CNTLN: variants seen among roughly 807,000 people sequenced by gnomAD.
CNTLN encodes the protein centlein, centrosomal protein.
A neutral mutation model predicts 180.0 loss-of-function variants in CNTLN; 212 were observed. The ratio of observed to expected loss-of-function variants is 1.18; its 90% CI spans 1.05 to 1.32. The LOEUF is 1.32. CNTLN is among the 40% of genes most tolerant of loss of function. The pLI, the probability that CNTLN is intolerant of heterozygous loss-of-function variation, is 0.00. For missense variants in CNTLN, 2,095 were observed against 1,610.9 expected, an observed-to-expected ratio of 1.30 and a Z score of -5.14; for synonymous variants, 722 against 563.1, an observed-to-expected ratio of 1.28 and a Z score of -3.99.
At chr9:17,307,999 C>T (rs1373118160) in intron 7 of CNTLN, among the ~76,000 whole-genome samples, 3 of 151,508 alleles carry the variant, frequency 2.0e-5, no homozygotes, top group East Asian at 3.9e-4. Context: ...CACACACACA[C>T]ACACACACAC....
intron 6 of CNTLN, among the ~76,000 whole-genome samples, chr9:17,297,677 C>A (rs758490541): frequency 6.6e-6 from 1 of 152,198 alleles, no homozygotes; most frequent in Non-Finnish European, 1.5e-5. Flanking sequence ...AGAGGAGTCA[C>A]AAGTATCCCA....
At chr9:17,518,746 A>T in the CNTLN span, among the ~76,000 whole-genome samples, 230 of 152,240 alleles carry the variant, frequency 1.5e-3, no homozygotes, top group African/African-American at 5.2e-3. Flanking sequence ...AGAAGCTTTG[A>T]GACATTGTGT....
chr9:17,294,668 G>C (rs895858753), intron 6 of CNTLN, among the ~76,000 whole-genome samples: 1 of 148,384 alleles, frequency 6.7e-6, no homozygotes, highest in Admixed American at 6.8e-5. Flanking sequence ...TGCCAGTCCC[G>C]TGCCCTCCAC....
the CNTLN span, among the ~76,000 whole-genome samples, chr9:17,519,704 C>A: frequency 6.6e-6 from 1 of 152,110 alleles, no homozygotes; most frequent in African/African-American, 2.4e-5. Flanking sequence ...ATTTGAGTGA[C>A]CTTTTCTTCC....
At chr9:17,400,417 G>A (rs1211498806) in intron 15 of CNTLN, among the ~76,000 whole-genome samples, 2 of 152,110 alleles carry the variant, frequency 1.3e-5, no homozygotes, top group Non-Finnish European at 2.9e-5. Context: ...GATTACAGGC[G>A]TGAGCCACTG....
At chr9:17,279,368 G>C (rs532371939) in intron 6 of CNTLN, among the ~76,000 whole-genome samples, 4 of 152,158 alleles carry the variant, frequency 2.6e-5, no homozygotes, top group African/African-American at 9.6e-5. Flanking sequence ...TTTTACCAGG[G>C]CCTTCCCTAT....
Position 17,340,878 on chromosome 9 carries a change from C to A in CNTLN, c.1696C>A (p.Leu566Ile). Residue 566 changes from leucine (L) to isoleucine (I), a missense_variant, in exon 11 of 26, where the codon CTA (leucine) becomes ATA (isoleucine). Transcript: ENST00000380647. ...TGCCCATGAAAAACGCAAGGAACGG[C>A]TACAGATGTTACAGACCAACTACAG... ...RDAHEKRKER[L>I]QMLQTNYRAV... The A allele has an allele frequency of 6.2e-7, 1 of 1,612,282 alleles. No individual in the cohort carries two copies. The highest frequency in any genetic ancestry group is 8.5e-7 in the Non-Finnish European group (1 of 1,179,038).
At position 17,135,076 on chromosome 9, in the gene CNTLN, G is replaced by A; in HGVS notation, c.11G>A (p.Arg4His). The A allele has an allele frequency of 6.3e-7, 1 of 1,598,296 alleles. No individual in the cohort carries two copies. Among genetic ancestry groups the A allele is most frequent in the South Asian group, 1.1e-5 (1 of 89,602 alleles). Reference protein sequence around the residue: MAARSPPSPHPSPP... With the variant: MAAHSPPSPHPSPP... ...TTAGCAGCCGCAGCCATGGCGGCGCGTTCGCCTCCCTCACCGCACCCTTCG... is the reference window on the plus strand; with the variant it reads ...TTAGCAGCCGCAGCCATGGCGGCGCATTCGCCTCCCTCACCGCACCCTTCG... Residue 4 changes from arginine to histidine, a missense_variant, in exon 1 of 26, where the codon CGT becomes CAT. Physicochemically the swap from Arg to His is conservative, Grantham distance 29. Coordinates refer to ENST00000380647, the MANE Select transcript of CNTLN (RefSeq NM_017738.4).
At chr9:17,399,776 A>G (rs1826825721) in intron 15 of CNTLN, among the ~76,000 whole-genome samples, 1 of 152,190 alleles carries the variant, frequency 6.6e-6, no homozygotes, top group African/African-American at 2.4e-5. Flanking sequence ...TAAGATCCTC[A>G]CATAAGAGGT....
At chr9:17,419,824 G>A (rs1828565076) in intron 18 of CNTLN, among the ~76,000 whole-genome samples, 1 of 152,078 alleles carries the variant, frequency 6.6e-6, no homozygotes, top group Admixed American at 6.5e-5. Context: ...ACACTTTCAG[G>A]TGTTCATACT....
rs543537249 is a variant in CNTLN, at chr9:17,283,749, A to C, written c.983+9883A>C. ...GCTGTGGGTTTGTCATAAATGGCTC[A>C]TTATTTTGAGGTATGTTCCATCAAT... is the stretch of plus-strand genomic sequence containing the variant. On this transcript the variant is annotated intron_variant, in intron 6 of 25. Transcript: ENST00000380647. 3.9e-5 allele frequency among the ~76,000 whole-genome samples: 6 copies of C among 152,156 alleles called. No individual in the cohort carries two copies. The South Asian group carries it at 1.2e-3, about 32-fold the overall frequency.
chr9:17,472,974 T>C (rs1294139063), intron 23 of CNTLN, among the ~76,000 whole-genome samples: 2 of 152,136 alleles, frequency 1.3e-5, no homozygotes, highest in African/African-American at 4.8e-5. Flanking sequence ...GGATTCTGTG[T>C]TGTATCATCG....
At chr9:17,441,070 C>T (rs1200339234) in intron 18 of CNTLN, among the ~76,000 whole-genome samples, 1 of 144,344 alleles carries the variant, frequency 6.9e-6, no homozygotes, top group African/African-American at 2.6e-5. Flanking sequence ...TGTACACCAC[C>T]TTTAAAAGAT....
At chr9:17,291,464 A>G (rs571316047) in intron 6 of CNTLN, among the ~76,000 whole-genome samples, 2 of 152,226 alleles carry the variant, frequency 1.3e-5, no homozygotes, top group African/African-American at 4.8e-5. Context: ...GTCTCTAAGA[A>G]CTTGTTTTAT....
intron 2 of CNTLN, among the ~76,000 whole-genome samples, chr9:17,161,708 T>C (rs1563836121): frequency 1.3e-5 from 2 of 152,222 alleles, no homozygotes; most frequent in East Asian, 1.9e-4. Context: ...ATTTGCCTGC[T>C]AAAATTATAT....
chr9:17,372,526 C>T (rs537592302), intron 13 of CNTLN, among the ~76,000 whole-genome samples: 2 of 152,242 alleles, frequency 1.3e-5, no homozygotes, highest in South Asian at 4.1e-4. Flanking sequence ...GGTGACTTCA[C>T]TGCTGAACTC....
intron 12 of CNTLN, among the ~76,000 whole-genome samples, chr9:17,365,241 G>T (rs1013410500): frequency 3.3e-5 from 5 of 152,132 alleles, no homozygotes; most frequent in African/African-American, 9.7e-5. Context: ...GTTTAAAAGT[G>T]TGTAGCACCT....
At chr9:17,264,169 G>A (rs1186969561) in intron 5 of CNTLN, among the ~76,000 whole-genome samples, 1 of 143,378 alleles carries the variant, frequency 7.0e-6, no homozygotes, top group African/African-American at 2.7e-5. Flanking sequence ...GGGTTTTTAT[G>A]GTTTTAGGTC....
chr9:17,174,433 T>C (rs1030393333), intron 2 of CNTLN, among the ~76,000 whole-genome samples: 8 of 152,208 alleles, frequency 5.3e-5, no homozygotes, highest in African/African-American at 1.7e-4. Flanking sequence ...CAGCGGCTTA[T>C]GCCTGTAATC....
Sources: allele counts gnomAD v4.1 joint callset (sites outside exome capture counted in the v4.1 genomes callset), GRCh38; gene constraint gnomAD v4.1.1; transcripts MANE v1.5; gene names NCBI Gene and HGNC (gene_info 2026-07-23, HGNC 2026-07-21).